Variants in NFIC observed in about 807,000 individuals in gnomAD.
NFIC encodes nuclear factor I C.
In NFIC, 12 loss-of-function variants were observed where a neutral mutation model predicts 54.4. The ratio of observed to expected loss-of-function variants is 0.22; its 90% CI spans 0.14 to 0.36. The LOEUF is 0.36. Ranked by LOEUF, NFIC falls within the 10% of genes least tolerant of loss-of-function variation. NFIC has a pLI of 1.00. For synonymous variants in NFIC, 322 were observed against 319.2 expected (o/e 1.01, Z -0.09); for missense variants, 575 against 718.2 (o/e 0.80, Z 2.28).
chr19:3,454,122 C>T lies in NFIC; in HGVS notation c.1423+206C>T, dbSNP rs1334146791. Reference sequence around the variant, plus strand: ...CTTAGGGGCTGGCCGGACCAAGCCTCGGGCCAGGGTGAGAGTCCAGGGTCT... The same window carrying T: ...CTTAGGGGCTGGCCGGACCAAGCCTTGGGCCAGGGTGAGAGTCCAGGGTCT... On this transcript the variant is annotated intron_variant, in intron 9 of 10. Transcript: ENST00000443272. The T allele has an allele frequency of 6.7e-6, 9 of 1,346,796 alleles. No homozygotes were observed. In the South Asian group the frequency reaches 9.6e-5, roughly 14 times the overall value. 83.4% of individuals were successfully genotyped at this position (1,346,796 alleles called of 1,614,324 possible).
chr19:3,431,584 G>A lies in NFIC; in HGVS notation c.635-1934G>A, dbSNP rs538763062. Among the ~76,000 whole-genome samples, 4 of 151,318 alleles carry A rather than the reference G, an allele frequency of 2.6e-5. No individual in the cohort carries two copies. In the South Asian group the frequency reaches 6.3e-4, roughly 24 times the overall value. ...GGGTTTCGCCATGTTGCCCAGTCCC[G>A]TCTCAAACTCTGGGGCTCAAGTGAT... On this transcript the variant is annotated intron_variant, in intron 3 of 10. Transcript: ENST00000443272.
At chr19:3,420,359 G>A (rs1329690946) in intron 2 of NFIC, among the ~76,000 whole-genome samples, 1 of 151,878 alleles carries the variant, frequency 6.6e-6, no homozygotes, top group Non-Finnish European at 1.5e-5. Flanking sequence ...TGGCTATCAT[G>A]GTGAAACCCT....
intron 2 of NFIC, among the ~76,000 whole-genome samples, chr19:3,386,395 T>C (rs954896780): frequency 1.5e-4 from 22 of 149,368 alleles, no homozygotes; most frequent in Admixed American, 8.1e-4. Flanking sequence ...CGATCTTGGC[T>C]TACTGCAACC....
rs1483071866 is a variant in NFIC at position 3,467,204 on chromosome 19, T to A, written c.*4435T>A. ...CCACCCCTGCTATGGACACCACACC[T>A]ATGCCAGGCCCCCCCCCCCACCCCA... On this transcript the variant is annotated 3_prime_UTR_variant, in exon 11 of 11. Transcript: ENST00000443272. 1 of 73,688 alleles carries A rather than the reference T, an allele frequency of 1.4e-5. No individual in the cohort carries two copies. The highest frequency in any genetic ancestry group is 2.6e-5 in the Non-Finnish European group (1 of 37,962). The allele number at this position is 73,688 out of a possible 1,614,324, so 4.6% of individuals were successfully genotyped here.
intron 2 of NFIC, among the ~76,000 whole-genome samples, chr19:3,414,601 AATAAAAT>A (rs1175831809): frequency 5.9e-4 from 4 of 6,762 alleles, no homozygotes; most frequent in African/African-American, 1.1e-3. Context: ...TCTAAAATAA[AATAAAAT>A]AAAATAAAAT....
At chr19:3,403,553 A>C (rs2145544273) in intron 2 of NFIC, among the ~76,000 whole-genome samples, 1 of 152,300 alleles carries the variant, frequency 6.6e-6, no homozygotes, top group South Asian at 2.1e-4. Context: ...CCCACGCCAA[A>C]GCCAGGGCGT....
intron 3 of NFIC, among the ~76,000 whole-genome samples, chr19:3,425,966 A>G (rs1333772182): frequency 7.5e-5 from 7 of 92,794 alleles, no homozygotes. Flanking sequence ...ATGGAGTATC[A>G]CTCTGTCGCC....
intron 6 of NFIC, among the ~76,000 whole-genome samples, chr19:3,443,222 C>T (rs1404568426): frequency 6.6e-6 from 1 of 152,068 alleles, no homozygotes; most frequent in African/African-American, 2.4e-5. Flanking sequence ...TCGCTTGAGC[C>T]TAGTAGTTTG....
intron 2 of NFIC, among the ~76,000 whole-genome samples, chr19:3,394,306 T>C (rs911487883): frequency 6.6e-6 from 1 of 151,602 alleles, no homozygotes; most frequent in Non-Finnish European, 1.5e-5. Flanking sequence ...TACTAAGACC[T>C]TGTCTCTACA....
chr19:3,435,148 A>G lies in NFIC; in HGVS notation c.899A>G (p.Tyr300Cys). ...GACACGAGCCCTGGCGGCGATTACTACACTTCGCCCAGCTCGCCCACGAGT... is the reference window on the plus strand; with the variant it reads ...GACACGAGCCCTGGCGGCGATTACTGCACTTCGCCCAGCTCGCCCACGAGT... ...DVDTSPGGDY[Y>C]TSPSSPTSSS... Residue 300 changes from tyrosine (Y) to cysteine (C), a missense_variant, in exon 6 of 11, where the codon TAC (tyrosine) becomes TGC (cysteine). By Grantham distance (194) the Tyr-to-Cys change is radical. Transcript: ENST00000443272. 2 of 1,605,794 alleles carry G rather than the reference A, an allele frequency of 1.2e-6. No individual in the cohort carries two copies. Among genetic ancestry groups the G allele is most frequent in the Non-Finnish European group, 1.7e-6 (2 of 1,176,972 alleles).
intron 6 of NFIC, among the ~76,000 whole-genome samples, chr19:3,439,470 C>T (rs2082258705): frequency 2.0e-5 from 3 of 149,350 alleles, no homozygotes; most frequent in African/African-American, 4.9e-5. Flanking sequence ...GGGTGAAACC[C>T]CATCATTACT....
chr19:3,417,715 T>G (rs1370313637), intron 2 of NFIC, among the ~76,000 whole-genome samples: 47 of 146,180 alleles, frequency 3.2e-4, no homozygotes, highest in Admixed American at 6.3e-4. Context: ...AACCTCTGCC[T>G]CCCGGGTTCA....
At chr19:3,416,608 G>A (rs1182407021) in intron 2 of NFIC, among the ~76,000 whole-genome samples, 3 of 151,094 alleles carry the variant, frequency 2.0e-5, no homozygotes, top group East Asian at 1.9e-4. Context: ...TGCAACCTCC[G>A]CCTCCCGGGT....
Position 3,448,925 on chromosome 19 carries a change from C to T in NFIC, c.959-89C>T, listed in dbSNP as rs1250619249. 30 of 1,513,150 alleles carry T rather than the reference C, an allele frequency of 2.0e-5. No individual in the cohort carries two copies. In the East Asian group the frequency reaches 6.7e-4, roughly 34 times the overall value. 93.7% of individuals were successfully genotyped at this position (1,513,150 alleles called of 1,614,324 possible). On this transcript the variant is annotated intron_variant, in intron 6 of 10. Transcript: ENST00000443272. ...AAGAGGAGGCGGGGTGATGAGGCTT[C>T]CTATCCCTTCGGAGGCTGGCTTTGG... is the stretch of plus-strand genomic sequence containing the variant.
intron 2 of NFIC, chr19:3,411,047 T>C (rs1019402758): frequency 2.0e-5 from 3 of 152,164 alleles, no homozygotes; most frequent in Non-Finnish European, 4.4e-5. Flanking sequence ...GGTCTCCCTC[T>C]GTTGCCCAGG....
chr19:3,450,970 T>TA (rs375535294), intron 7 of NFIC, among the ~76,000 whole-genome samples: 16 of 152,196 alleles, frequency 1.1e-4, no homozygotes, highest in African/African-American at 3.6e-4. Flanking sequence ...GCTGAGTAAT[T>TA]ACAGCAGAGA....
At chr19:3,366,516 AGCGCGCCGGCC>A, upstream of NFIC, 2 of 367,920 alleles carry the variant, frequency 5.4e-6, no homozygotes, top group South Asian at 5.9e-5. Flanking sequence ...CGGCGAGGAG[AGCGCGCCGGCC>A]GCGGGGCGGG....
Position 3,458,566 on chromosome 19 carries a change from A to G in NFIC, c.1509+1931A>G, listed in dbSNP as rs759510345. Among the ~76,000 whole-genome samples, 15 of 151,736 alleles carry G rather than the reference A, an allele frequency of 9.9e-5. No individual in the cohort carries two copies. Among genetic ancestry groups the G allele is most frequent in the Non-Finnish European group, 2.1e-4 (14 of 67,926 alleles). On this transcript the variant is annotated intron_variant, in intron 10 of 10. Transcript: ENST00000443272. The surrounding 1 kb of genome is among the most constrained non-coding windows in gnomAD (Gnocchi z 4.1). ...GGGTGGCACCTTTCTCAGCATCCCT[A>G]TCTTGACTGGCTGGACTCCTCTGGG... is the stretch of plus-strand genomic sequence containing the variant.
rs767619649 is a variant in NFIC at position 3,410,190 on chromosome 19, G to A, written c.563-14916G>A. Reference sequence around the variant, plus strand: ...CGAGTAGCTGGGACTACAGGCGCCTGCCACCACGCCCGGCTTTTTTTTTGT... The same window carrying A: ...CGAGTAGCTGGGACTACAGGCGCCTACCACCACGCCCGGCTTTTTTTTTGT... On this transcript the variant is annotated intron_variant, in intron 2 of 10. Transcript: ENST00000443272. 9.9e-5 allele frequency among the ~76,000 whole-genome samples: 15 copies of A among 152,070 alleles called. 1 individual carries two copies. Among genetic ancestry groups the A allele is most frequent in the Non-Finnish European group, 1.9e-4 (13 of 68,030 alleles).
Sources: allele counts gnomAD v4.1 joint callset (sites outside exome capture counted in the v4.1 genomes callset), GRCh38; gene constraint gnomAD v4.1.1; non-coding constraint Gnocchi (gnomAD v3.1); transcripts MANE v1.5; gene names NCBI Gene and HGNC (gene_info 2026-07-23, HGNC 2026-07-21).